Variants in PPP3CB observed in about 807,000 individuals in gnomAD.
The protein encoded by PPP3CB is serine/threonine-protein phosphatase 2B catalytic subunit beta isoform.
PPP3CB carries 8 observed loss-of-function variants against 66.4 expected under a neutral mutation model. The ratio of observed to expected loss-of-function variants is 0.12; its 90% CI spans 0.07 to 0.22. PPP3CB has a LOEUF of 0.22. Among genes scored for constraint, PPP3CB ranks in the 10% least tolerant of loss-of-function variants. The pLI is 1.00. For synonymous variants in PPP3CB, 208 were observed against 221.2 expected (o/e 0.94, Z 0.53); for missense variants, 319 against 642.5 (o/e 0.50, Z 5.44).
At chr10:73,477,100 T>G in intron 3 of PPP3CB, 1 of 507,702 alleles carries the variant, frequency 2.0e-6, no homozygotes, top group Non-Finnish European at 3.9e-6. Context: ...GCAAGTTACT[T>G]AACCTCTCTA....
intron 3 of PPP3CB, among the ~76,000 whole-genome samples, chr10:73,476,166 A>G (rs576334438): frequency 6.6e-6 from 1 of 152,174 alleles, no homozygotes; most frequent in South Asian, 2.1e-4. Flanking sequence ...ACAAAACTTT[A>G]TTGTTAATAA....
chr10:73,447,412 C>T (rs1390550161), intron 10 of PPP3CB, among the ~76,000 whole-genome samples: 3 of 152,180 alleles, frequency 2.0e-5, no homozygotes, highest in Non-Finnish European at 4.4e-5. Context: ...GAAAGAACAA[C>T]ATCAATCTCA....
At chr10:73,453,408 G>A (rs762853163) in intron 10 of PPP3CB, among the ~76,000 whole-genome samples, 5 of 149,726 alleles carry the variant, frequency 3.3e-5, no homozygotes, top group South Asian at 2.1e-4. Context: ...TTAAATTTTC[G>A]TGTGTGTGTG....
At chr10:73,478,937 A>G (rs2056831634) in intron 2 of PPP3CB, among the ~76,000 whole-genome samples, 2 of 152,244 alleles carry the variant, frequency 1.3e-5, no homozygotes, top group East Asian at 3.8e-4. Flanking sequence ...CAATGGTGGC[A>G]GTTAAAATAT....
chr10:73,467,754 A>C, intron 8 of PPP3CB, 76 bp from the exon 9 acceptor site: 1 of 1,361,034 alleles, frequency 7.3e-7, no homozygotes, highest in Admixed American at 2.5e-5. Context: ...TATAAAATAC[A>C]TAAAAGCAGA....
intron 4 of PPP3CB, among the ~76,000 whole-genome samples, chr10:73,472,985 T>C (rs2132938741): frequency 6.6e-6 from 1 of 152,358 alleles, no homozygotes; most frequent in African/African-American, 2.4e-5. Flanking sequence ...TCCTATTTCC[T>C]GTTTTAATAC....
intron 4 of PPP3CB, among the ~76,000 whole-genome samples, chr10:73,473,851 TA>T (rs1336504722): frequency 6.6e-6 from 1 of 151,766 alleles, no homozygotes; most frequent in Non-Finnish European, 1.5e-5. Context: ...CAATGATATT[TA>T]AAAAAACAAA....
chr10:73,494,417 C>A (rs1050180252), intron 1 of PPP3CB, among the ~76,000 whole-genome samples: 2 of 151,982 alleles, frequency 1.3e-5, no homozygotes, highest in Non-Finnish European at 2.9e-5. Flanking sequence ...CCTCCCGATC[C>A]GCTGGGACTA....
At chr10:73,488,454 G>C (rs971603048) in intron 1 of PPP3CB, among the ~76,000 whole-genome samples, 13 of 151,856 alleles carry the variant, frequency 8.6e-5, no homozygotes, top group African/African-American at 3.1e-4. Context: ...GGCTGAGTTG[G>C]GGGATCGCTT....
At chr10:73,488,995 A>G in intron 1 of PPP3CB, among the ~76,000 whole-genome samples, 1 of 152,222 alleles carries the variant, frequency 6.6e-6, no homozygotes, top group Non-Finnish European at 1.5e-5. Flanking sequence ...TAATGACTAA[A>G]GAATAAAGAA....
intron 9 of PPP3CB, among the ~76,000 whole-genome samples, chr10:73,463,565 G>A (rs988300297): frequency 2.6e-5 from 4 of 152,148 alleles, no homozygotes; most frequent in Admixed American, 2.0e-4. Flanking sequence ...CTAGAATTCT[G>A]TTGCTCATAT....
At chr10:73,449,488 T>C (rs149574586) in intron 10 of PPP3CB, among the ~76,000 whole-genome samples, 1 of 152,324 alleles carries the variant, frequency 6.6e-6, no homozygotes, top group East Asian at 1.9e-4. Context: ...TGCTGAGATA[T>C]ATTATTCCTT....
intron 9 of PPP3CB, among the ~76,000 whole-genome samples, chr10:73,454,781 T>C (rs982479767): frequency 3.3e-5 from 5 of 150,512 alleles, no homozygotes; most frequent in African/African-American, 9.7e-5. Context: ...AACAACTGAA[T>C]GTATACATTT....
chr10:73,480,985 T>C (rs1035831683), intron 1 of PPP3CB, among the ~76,000 whole-genome samples: 6 of 152,168 alleles, frequency 3.9e-5, no homozygotes, highest in African/African-American at 1.2e-4. Context: ...CCTTTTTTAC[T>C]GAATCCAACA....
Position 73,482,542 on chromosome 10 carries a change from CAAAAAAAAAAAA to C in PPP3CB, c.86-3037_86-3026del, listed in dbSNP as rs537336452. ...TGGGCGACAGAGCGAGACTCCGTCTCAAAAAAAAAAAAAAAAAAAAAAAAGAGACTCAGTCTC... is the reference window on the plus strand; with the variant it reads ...TGGGCGACAGAGCGAGACTCCGTCTCAAAAAAAAAAAAGAGACTCAGTCTC... On this transcript the variant is annotated intron_variant, in intron 1 of 13. Coordinates refer to ENST00000360663, the MANE Select transcript of PPP3CB (RefSeq NM_021132.4). Among the ~76,000 whole-genome samples, 3 of 36,748 alleles carry C rather than the reference CAAAAAAAAAAAA, an allele frequency of 8.2e-5. No homozygotes were observed. In the East Asian group the frequency reaches 2.0e-3, roughly 24 times the overall value. 24.1% of individuals were successfully genotyped at this position (36,748 alleles called of 152,430 possible). A position where few individuals can be genotyped will look rare whatever the true frequency, so the allele number is the denominator to read the frequency against.
intron 1 of PPP3CB, among the ~76,000 whole-genome samples, chr10:73,492,024 A>G (rs946459253): frequency 1.3e-5 from 2 of 152,126 alleles, no homozygotes; most frequent in Admixed American, 1.3e-4. Context: ...TCCTAAAGGA[A>G]AGCTACTAGA....
At chr10:73,463,507 G>C (rs551541756) in intron 9 of PPP3CB, among the ~76,000 whole-genome samples, 1 of 152,198 alleles carries the variant, frequency 6.6e-6, no homozygotes, top group East Asian at 1.9e-4. Context: ...CCCTCAAAGA[G>C]ACCTATGATT....
At chr10:73,483,500 C>CA (rs887578284) in intron 1 of PPP3CB, among the ~76,000 whole-genome samples, 1 of 151,548 alleles carries the variant, frequency 6.6e-6, no homozygotes, top group African/African-American at 2.4e-5. Context: ...ACTAAAAACA[C>CA]AAAAAATTAG....
At chr10:73,470,133 A>C (rs949696214) in intron 8 of PPP3CB, among the ~76,000 whole-genome samples, 2 of 152,198 alleles carry the variant, frequency 1.3e-5, no homozygotes, top group Admixed American at 6.5e-5. Context: ...AAAGGAAAAA[A>C]GCAGTAAAAA....
Sources: allele counts gnomAD v4.1 joint callset (sites outside exome capture counted in the v4.1 genomes callset), GRCh38; gene constraint gnomAD v4.1.1; transcripts MANE v1.5; gene names NCBI Gene and HGNC (gene_info 2026-07-23, HGNC 2026-07-21).